CCDC62: variants seen among roughly 807,000 people sequenced by gnomAD.
The protein encoded by CCDC62 is coiled-coil domain containing 62.
Under a neutral mutation model 80.8 loss-of-function variants are expected in CCDC62, and 72 were observed. That is an observed-to-expected ratio of 0.89 (90% CI 0.74 to 1.08). The LOEUF (loss-of-function observed/expected upper bound fraction) is 1.08. CCDC62 is among the 50% of genes least tolerant of loss of function. The pLI is 0.00. For missense variants in CCDC62, 704 were observed against 809.4 expected (o/e 0.87, Z 1.58); for synonymous variants, 286 against 296.5 (o/e 0.96, Z 0.36).
chr12:122,799,815 C>T (rs1041343100), intron 8 of CCDC62, among the ~76,000 whole-genome samples: 3 of 152,122 alleles, frequency 2.0e-5, no homozygotes, highest in Non-Finnish European at 2.9e-5. Flanking sequence ...TCACCCCAGG[C>T]GTGTGGCGTG....
At chr12:122,813,505 G>T in intron 11 of CCDC62, 86 bp downstream of exon 11, 1 of 1,318,420 alleles carries the variant, frequency 7.6e-7, no homozygotes, top group Non-Finnish European at 1.0e-6. Flanking sequence ...CGGCAGGGCG[G>T]CCTTTCTGTT....
In CCDC62 at chr12:122,805,575, C is replaced by T. The variant is rs1401298139; in HGVS notation, c.1707-576C>T. On this transcript the variant is annotated intron_variant, in intron 9 of 12. Transcript: ENST00000253079. ...TGTCGCCCAGGCTGGAGTGCAGTGG[C>T]GCGATCTCAGCTCCCTGCAAGCTCT... 3.2e-5 allele frequency among the ~76,000 whole-genome samples: 4 copies of T among 126,814 alleles called. No homozygotes were observed. In the South Asian group the frequency reaches 1.0e-3, roughly 33 times the overall value. The allele number at this position is 126,814 out of a possible 152,430, so 83.2% of individuals were successfully genotyped here.
In CCDC62 at chr12:122,822,603, T is replaced by C. The variant is rs184670090; in HGVS notation, c.2002-763T>C. On this transcript the variant is annotated intron_variant, in intron 11 of 12. Transcript: ENST00000253079. ...TTTTTTTTTTTTTTGAGATGGAGTC[T>C]CGGTCTGTCGCCCAGGCTGGAGTGC... Among the ~76,000 whole-genome samples the C allele has an allele frequency of 4.3e-3, 620 of 142,866 alleles. 16 individuals carry two copies. Among genetic ancestry groups the C allele is most frequent in the African/African-American group, 0.016 (587 of 36,566 alleles). The allele number at this position is 142,866 out of a possible 152,430, so 93.7% of individuals were successfully genotyped here.
chr12:122,775,937 TCTTA>T (rs991490799), intron 1 of CCDC62, among the ~76,000 whole-genome samples: 4 of 152,362 alleles, frequency 2.6e-5, no homozygotes, highest in Admixed American at 2.6e-4. Context: ...TATTTACAAA[TCTTA>T]CTTTTCAAAA....
chr12:122,805,343 C>CTTTTTTT, intron 9 of CCDC62, among the ~76,000 whole-genome samples: 1 of 105,130 alleles, frequency 9.5e-6, no homozygotes, highest in Non-Finnish European at 2.0e-5. Context: ...TGTCTTAATT[C>CTTTTTTT]TTTTTTTTTT....
chr12:122,777,266 G>C (rs888982035), intron 1 of CCDC62: 2 of 438,906 alleles, frequency 4.6e-6, no homozygotes, highest in Non-Finnish European at 8.2e-6. Context: ...TTTTAGGCAT[G>C]GTACGTATGG....
intron 10 of CCDC62, among the ~76,000 whole-genome samples, chr12:122,807,428 G>T (rs972294166): frequency 2.0e-4 from 30 of 150,826 alleles, no homozygotes; most frequent in African/African-American, 7.1e-4. Flanking sequence ...CTACTTGGGA[G>T]GCTGAGGCGG....
At chr12:122,823,080 C>T (rs1489928310) in intron 11 of CCDC62, among the ~76,000 whole-genome samples, 3 of 152,208 alleles carry the variant, frequency 2.0e-5, no homozygotes, top group Admixed American at 1.3e-4. Flanking sequence ...CCCACCTCAG[C>T]TTCCCAAGTA....
intron 1 of CCDC62, among the ~76,000 whole-genome samples, chr12:122,775,037 T>G (rs1383171778): frequency 7.6e-6 from 1 of 131,022 alleles, no homozygotes; most frequent in African/African-American, 2.9e-5. Flanking sequence ...GAGCTTGCAG[T>G]GAGCCGAGAT....
chr12:122,805,174 C>T (rs1020324380), intron 9 of CCDC62, among the ~76,000 whole-genome samples: 31 of 140,908 alleles, frequency 2.2e-4, no homozygotes, highest in Non-Finnish European at 3.0e-4. Context: ...CATGAGTCAC[C>T]GCAACTGGCC....
intron 6 of CCDC62, among the ~76,000 whole-genome samples, chr12:122,795,260 A>G (rs2030867525): frequency 6.6e-6 from 1 of 151,586 alleles, no homozygotes; most frequent in Admixed American, 6.6e-5. Context: ...TGTGTTGCCC[A>G]GGCTGGTCTC....
intron 11 of CCDC62, among the ~76,000 whole-genome samples, 159 bp downstream of exon 11, chr12:122,813,578 G>A (rs1416910472): frequency 6.6e-6 from 1 of 152,174 alleles, no homozygotes; most frequent in East Asian, 1.9e-4. Context: ...GGAGGAAAAA[G>A]TTACACTTAG....
At position 122,797,296 on chromosome 12, in the gene CCDC62, T is replaced by C. The variant is rs759118979; in HGVS notation, c.773-11T>C. ...TGATGAAAAATGTTAATAATACTTG[T>C]TCTTAAATAGTAGAGAGAGAAAAGA... On this transcript the variant is annotated splice_polypyrimidine_tract_variant and intron_variant, in intron 6 of 12. Transcript: ENST00000253079. 8 of 1,345,778 alleles carry C rather than the reference T, an allele frequency of 5.9e-6. No individual in the cohort carries two copies. In the South Asian group the frequency reaches 9.4e-5, roughly 16 times the overall value. 83.4% of individuals were successfully genotyped at this position (1,345,778 alleles called of 1,614,324 possible).
intron 9 of CCDC62, among the ~76,000 whole-genome samples, chr12:122,804,795 GCAGC>G (rs1225932914): frequency 1.3e-5 from 2 of 150,970 alleles, no homozygotes; most frequent in Non-Finnish European, 2.9e-5. Flanking sequence ...ATAGCTCACT[GCAGC>G]CTCTAACTCC....
At chr12:122,816,378 T>G (rs2032163863) in intron 11 of CCDC62, among the ~76,000 whole-genome samples, 1 of 152,194 alleles carries the variant, frequency 6.6e-6, no homozygotes, top group Non-Finnish European at 1.5e-5. Flanking sequence ...GGGAGAACCT[T>G]TATGACTTTT....
intron 1 of CCDC62, among the ~76,000 whole-genome samples, chr12:122,774,941 A>T (rs1879328319): frequency 6.6e-6 from 1 of 150,880 alleles, no homozygotes; most frequent in Non-Finnish European, 1.5e-5. Context: ...TAAAAAAAAA[A>T]AAATTAGCCG....
chr12:122,776,347 A>T (rs1428532649), intron 1 of CCDC62, among the ~76,000 whole-genome samples: 2 of 152,234 alleles, frequency 1.3e-5, no homozygotes, highest in African/African-American at 4.8e-5. Context: ...ACTTCAAAGA[A>T]ATTATTGTAT....
At chr12:122,795,863 C>T (rs540560962) in intron 6 of CCDC62, among the ~76,000 whole-genome samples, 5 of 152,154 alleles carry the variant, frequency 3.3e-5, no homozygotes, top group African/African-American at 2.4e-5. Flanking sequence ...GTCTCCCAGG[C>T]GGTAAAAGGC....
intron 4 of CCDC62, among the ~76,000 whole-genome samples, chr12:122,788,332 TG>T (rs1223412825): frequency 6.6e-6 from 1 of 152,184 alleles, no homozygotes; most frequent in Non-Finnish European, 1.5e-5. Context: ...GAGGGAATGA[TG>T]GGCCATTAGA....
Sources: allele counts gnomAD v4.1 joint callset (sites outside exome capture counted in the v4.1 genomes callset), GRCh38; gene constraint gnomAD v4.1.1; transcripts MANE v1.5; gene names NCBI Gene and HGNC (gene_info 2026-07-23, HGNC 2026-07-21).